ANKRD18A: variants seen among roughly 807,000 people sequenced by gnomAD.
ANKRD18A encodes ankyrin repeat domain 18A, also known as ankyrin repeat domain-containing protein 18A.
In ANKRD18A, 72 loss-of-function variants were observed where a neutral mutation model predicts 110.6. The ratio of observed to expected loss-of-function variants is 0.65; its 90% CI spans 0.54 to 0.79. The LOEUF (loss-of-function observed/expected upper bound fraction) is 0.79. Ranked by LOEUF, ANKRD18A falls within the 30% of genes least tolerant of loss-of-function variation. The pLI, the probability that ANKRD18A is intolerant of heterozygous loss-of-function variation, is 0.00. For synonymous variants in ANKRD18A, 305 were observed against 410.3 expected (o/e 0.74, Z 3.10); for missense variants, 934 against 1,163.3 (o/e 0.80, Z 2.87).
intron 8 of ANKRD18A, among the ~76,000 whole-genome samples, chr9:38,597,907 T>C (rs1048561058): frequency 3.3e-5 from 5 of 152,186 alleles, no homozygotes; most frequent in African/African-American, 1.2e-4. Flanking sequence ...TGTAAAAGTC[T>C]GATTCAACAG....
At chr9:38,594,916 C>T (rs552654418) in intron 9 of ANKRD18A, among the ~76,000 whole-genome samples, 152 of 152,316 alleles carry the variant, frequency 1.0e-3, no homozygotes, top group African/African-American at 3.3e-3. Flanking sequence ...TTTCTTATTT[C>T]AGTAGTCTAA....
At chr9:38,573,108 G>C in intron 15 of ANKRD18A, 1 of 1,412,886 alleles carries the variant, frequency 7.1e-7, no homozygotes. Flanking sequence ...GTAATTATTT[G>C]TTCTACACGG....
chr9:38,600,300 C>A (rs1042638217), intron 8 of ANKRD18A, among the ~76,000 whole-genome samples: 178 of 152,146 alleles, frequency 1.2e-3, no homozygotes, highest in African/African-American at 4.1e-3. Flanking sequence ...AATAGTGAAC[C>A]CCTACAGTGA....
intron 12 of ANKRD18A, among the ~76,000 whole-genome samples, chr9:38,580,310 G>A (rs146321995): frequency 1.5e-3 from 227 of 152,302 alleles, no homozygotes; most frequent in African/African-American, 5.3e-3. Flanking sequence ...TGAGGTCAGA[G>A]GATCACATGG....
chr9:38,599,605 C>T (rs942073902), intron 8 of ANKRD18A, among the ~76,000 whole-genome samples: 1 of 152,052 alleles, frequency 6.6e-6, no homozygotes, highest in African/African-American at 2.4e-5. Context: ...GCTGGGATTA[C>T]AGGCATGCAC....
chr9:38,574,900 C>T (rs1467569050), intron 15 of ANKRD18A, among the ~76,000 whole-genome samples: 1 of 151,846 alleles, frequency 6.6e-6, no homozygotes, highest in Non-Finnish European at 1.5e-5. Context: ...TCGAGACCTG[C>T]CTGGCCAATA....
At chr9:38,619,463 T>G (rs146621438) in intron 1 of ANKRD18A, among the ~76,000 whole-genome samples, 2,095 of 152,322 alleles carry the variant, frequency 0.014, 42 homozygotes, top group African/African-American at 0.047. Context: ...TTGTGGGAAT[T>G]AATAGCACAT....
At chr9:38,615,484 T>G in intron 3 of ANKRD18A, 110 bp downstream of exon 3, 1 of 1,387,062 alleles carries the variant, frequency 7.2e-7, no homozygotes, top group Non-Finnish European at 9.5e-7. Context: ...AGACAATTAT[T>G]TCAAGACATT....
chr9:38,570,250 C>T (rs772022435), downstream of ANKRD18A, among the ~76,000 whole-genome samples: 1 of 151,910 alleles, frequency 6.6e-6, no homozygotes, highest in Non-Finnish European at 1.5e-5. Context: ...TGACTGGGTT[C>T]GCACTGACAA....
chr9:38,609,253 G>A (rs1825491735), intron 5 of ANKRD18A, among the ~76,000 whole-genome samples: 1 of 152,126 alleles, frequency 6.6e-6, no homozygotes, highest in South Asian at 2.1e-4. Flanking sequence ...GCCGAGGAGG[G>A]TGGATCACAA....
chr9:38,597,661 T>A (rs1275229448), intron 8 of ANKRD18A, among the ~76,000 whole-genome samples: 3 of 152,168 alleles, frequency 2.0e-5, no homozygotes, highest in Non-Finnish European at 4.4e-5. Flanking sequence ...GTCAAATAAA[T>A]TAAAAGTGTG....
At position 38,586,208 on chromosome 9, in the gene ANKRD18A, A is replaced by T; in HGVS notation, c.2222T>A (p.Ile741Asn). 6.2e-7 allele frequency: 1 copy of T among 1,609,810 alleles called. No individual in the cohort carries two copies. The highest frequency in any genetic ancestry group is 8.5e-7 in the Non-Finnish European group (1 of 1,178,442). Residue 741 changes from isoleucine to asparagine, a missense_variant, in exon 12 of 16, where the codon ATT becomes AAT. Physicochemically the swap from Ile to Asn is moderately radical, Grantham distance 149. Transcript: ENST00000399703. ...DLNTDQLKMDILFKKLKQKFN... is the reference protein window; with the variant it reads ...DLNTDQLKMDNLFKKLKQKFN... The stretch of plus-strand genomic sequence containing the variant: ...CTTCTGTTTTAGCTTCTTAAACAGA[A>T]TATCCATTTTCAGTTGGTCTGTATT...
At chr9:38,587,221 G>C (rs148801739) in intron 11 of ANKRD18A, among the ~76,000 whole-genome samples, 1,608 of 152,282 alleles carry the variant, frequency 0.011, 21 homozygotes, top group Middle Eastern at 0.027. Context: ...AAGAGATCTA[G>C]AGATCTTTAC....
chr9:38,568,088 G>T (rs921632542), downstream of ANKRD18A: 2 of 152,538 alleles, frequency 1.3e-5, no homozygotes, highest in African/African-American at 4.8e-5. Context: ...CGAAGTGATG[G>T]AAGACGTGGC....
Position 38,610,345 on chromosome 9 carries a change from T to C in ANKRD18A, c.668A>G (p.Asn223Ser). ...SSIVTLLLQQNIRISSQDMFG... is the reference protein window; with the variant it reads ...SSIVTLLLQQSIRISSQDMFG... Reference sequence around the variant, plus strand: ...CATGTCTTGAGAAGAGATACGTATATTTTGTTGAAGCAGGAGGGTGACGAT... The same window carrying C: ...CATGTCTTGAGAAGAGATACGTATACTTTGTTGAAGCAGGAGGGTGACGAT... The change falls in exon 5 of 16, where the codon AAT becomes AGT. Residue 223 changes from asparagine (N) to serine (S), a missense_variant. Physicochemically the swap from Asn to Ser is conservative, Grantham distance 46. Transcript: ENST00000399703. The C allele has an allele frequency of 6.4e-7, 1 of 1,551,404 alleles. No homozygotes were observed. The highest frequency in any genetic ancestry group is 1.4e-5 in the African/African-American group (1 of 73,152).
In ANKRD18A at chr9:38,571,768, T is replaced by G. The variant is rs562752254; in HGVS notation, c.*277A>C. 9.1e-7 allele frequency: 1 copy of G among 1,097,420 alleles called. No homozygotes were observed. The highest frequency in any genetic ancestry group is 3.6e-5 in the South Asian group (1 of 28,022). 68.0% of individuals were successfully genotyped at this position (1,097,420 alleles called of 1,614,324 possible). A position where few individuals can be genotyped will look rare whatever the true frequency, so the allele number is the denominator to read the frequency against. ...AAACTCAATAACGCTGGTGTTCATTTGCAAGATCCACTTAAAACTTAAGGA... is the reference window on the plus strand; with the variant it reads ...AAACTCAATAACGCTGGTGTTCATTGGCAAGATCCACTTAAAACTTAAGGA... On this transcript the variant is annotated 3_prime_UTR_variant, in exon 16 of 16. Coordinates refer to ENST00000399703, the MANE Select transcript of ANKRD18A (RefSeq NM_147195.4).
Position 38,611,280 on chromosome 9 carries a change from T to C in ANKRD18A, c.537A>G (p.Arg179=). Reference sequence around the variant, plus strand: ...TCAATAAAAATTCCACCATATGCTGTCTCCTGGAATTTATAGCAAACAAAA... The same window carrying C: ...TCAATAAAAATTCCACCATATGCTGCCTCCTGGAATTTATAGCAAACAAAA... The part of the protein sequence containing the change: ...TPLLFAINSR[R]QHMVEFLLKN... Residue 179 remains arginine (R), a synonymous_variant, in exon 4 of 16, where the codon AGA becomes AGG. Transcript: ENST00000399703. 6.5e-7 allele frequency: 1 copy of C among 1,531,432 alleles called. No homozygotes were observed. The highest frequency in any genetic ancestry group is 8.8e-7 in the Non-Finnish European group (1 of 1,140,256). The allele number at this position is 1,531,432 out of a possible 1,614,324, so 94.9% of individuals were successfully genotyped here.
In ANKRD18A at chr9:38,578,023, A is replaced by G. The variant is rs1163579249; in HGVS notation, c.2373T>C (p.Leu791=). 1 of 1,554,170 alleles carries G rather than the reference A, an allele frequency of 6.4e-7. No individual in the cohort carries two copies. Among genetic ancestry groups the G allele is most frequent in the Non-Finnish European group, 8.7e-7 (1 of 1,147,650 alleles). Residue 791 remains leucine (L), a synonymous_variant, in exon 13 of 16, where the codon CTT becomes CTC. Coordinates refer to ENST00000399703, the MANE Select transcript of ANKRD18A (RefSeq NM_147195.4). The part of the protein sequence containing the change: ...MRNVQEKCEK[L]EKDKKMLEEE... ...CTTCCAACATCTTTTTATCCTTCTC[A>G]AGTTTTTCACATTTCTCTTGTACAT...
chr9:38,589,821 C>T (rs1485393584), intron 10 of ANKRD18A, among the ~76,000 whole-genome samples: 1 of 152,212 alleles, frequency 6.6e-6, no homozygotes, highest in Non-Finnish European at 1.5e-5. Context: ...CGTGAGCCAC[C>T]ATGCCTGGCT....
Sources: allele counts gnomAD v4.1 joint callset (sites outside exome capture counted in the v4.1 genomes callset), GRCh38; gene constraint gnomAD v4.1.1; transcripts MANE v1.5; gene names NCBI Gene and HGNC (gene_info 2026-07-23, HGNC 2026-07-21).